TSHZ2: variants seen among roughly 807,000 people sequenced by gnomAD.
TSHZ2 encodes the protein teashirt homolog 2.
Under a neutral mutation model 74.4 loss-of-function variants are expected in TSHZ2, and 21 were observed. The ratio of observed to expected loss-of-function variants is 0.28; its 90% CI spans 0.20 to 0.41. TSHZ2 has a LOEUF of 0.41. Ranked by LOEUF, TSHZ2 falls within the 10% of genes least tolerant of loss-of-function variation. The pLI is 1.00. For missense variants in TSHZ2, 1,244 were observed against 1,293.5 expected (o/e 0.96, Z 0.59); for synonymous variants, 540 against 515.3 (o/e 1.05, Z -0.65).
At position 53,491,640 on chromosome 20, in the gene TSHZ2, G is replaced by A. The variant is rs1284819643; in HGVS notation, c.*4505G>A. 6.6e-6 allele frequency: 1 copy of A among 152,170 alleles called. No individual in the cohort carries two copies. Among genetic ancestry groups the A allele is most frequent in the Non-Finnish European group, 1.5e-5 (1 of 68,040 alleles). 9.4% of individuals were successfully genotyped at this position (152,170 alleles called of 1,614,324 possible). ...AGTTACGAACAATGGGCTAACAGGCGTGGGTGTTTCTCCAAAAATTATTCA... is the reference window on the plus strand; with the variant it reads ...AGTTACGAACAATGGGCTAACAGGCATGGGTGTTTCTCCAAAAATTATTCA... On this transcript the variant is annotated 3_prime_UTR_variant, in exon 3 of 3. Transcript: ENST00000371497.
chr20:53,142,925 C>T (rs1213107399), intron 1 of TSHZ2, among the ~76,000 whole-genome samples: 26 of 152,050 alleles, frequency 1.7e-4, no homozygotes, highest in Non-Finnish European at 2.6e-4. Context: ...TTTTTGCTTA[C>T]TTGCTGGTGT....
At chr20:53,111,109 GTCAA>G (rs1462319801) in intron 1 of TSHZ2, among the ~76,000 whole-genome samples, 1 of 152,184 alleles carries the variant, frequency 6.6e-6, no homozygotes, top group Non-Finnish European at 1.5e-5. Flanking sequence ...GAAGTGCAAG[GTCAA>G]TCAGAGAAGT....
At chr20:52,999,071 G>C (rs989715376) in intron 1 of TSHZ2, among the ~76,000 whole-genome samples, 1 of 151,154 alleles carries the variant, frequency 6.6e-6, no homozygotes, top group Non-Finnish European at 1.5e-5. Flanking sequence ...GCAAAATGAT[G>C]GCAGAGCTGA....
At chr20:53,041,888 T>C (rs1230300088) in intron 1 of TSHZ2, among the ~76,000 whole-genome samples, 1 of 152,232 alleles carries the variant, frequency 6.6e-6, no homozygotes, top group Non-Finnish European at 1.5e-5. Context: ...GCTCATTCCT[T>C]CTTCTAACTT....
intron 1 of TSHZ2, among the ~76,000 whole-genome samples, chr20:53,024,260 A>G (rs1281799619): frequency 6.6e-6 from 1 of 152,010 alleles, no homozygotes; most frequent in South Asian, 2.1e-4. Context: ...CCAAAACTTG[A>G]CGTTTTCAGG....
chr20:53,402,656 G>A (rs187776851), intron 2 of TSHZ2, among the ~76,000 whole-genome samples: 56 of 152,330 alleles, frequency 3.7e-4, no homozygotes, highest in Non-Finnish European at 7.1e-4. Flanking sequence ...TAACCAAAGA[G>A]ATCAGCCTGA....
At chr20:53,449,448 T>C (rs1984685939) in intron 2 of TSHZ2, among the ~76,000 whole-genome samples, 1 of 152,250 alleles carries the variant, frequency 6.6e-6, no homozygotes, top group African/African-American at 2.4e-5. Flanking sequence ...TCAGGCACCG[T>C]TGAAGGCTGT....
At chr20:53,050,531 G>A (rs115755171) in intron 1 of TSHZ2, among the ~76,000 whole-genome samples, 2,083 of 152,220 alleles carry the variant, frequency 0.014, 50 homozygotes, top group African/African-American at 0.042. Context: ...TGTCTTGCCC[G>A]CACGGGGCTG....
rs1356694874 is a variant in TSHZ2, at chr20:53,475,802, C to T, written c.*9-11342C>T. On this transcript the variant is annotated intron_variant, in intron 2 of 2. Coordinates refer to ENST00000371497, the MANE Select transcript of TSHZ2 (RefSeq NM_173485.6). Reference sequence around the variant, plus strand: ...AGAAAAGAGAGAAGAATCAAATAGACGCAATAAAAAATGACAAAGGGGATA... The same window carrying T: ...AGAAAAGAGAGAAGAATCAAATAGATGCAATAAAAAATGACAAAGGGGATA... Among the ~76,000 whole-genome samples, 33 of 139,210 alleles carry T rather than the reference C, an allele frequency of 2.4e-4. 2 individuals are homozygous for T. The highest frequency in any genetic ancestry group is 3.5e-4 in the Non-Finnish European group (23 of 64,862). The allele number at this position is 139,210 out of a possible 152,430, so 91.3% of individuals were successfully genotyped here. A position where few individuals can be genotyped will look rare whatever the true frequency, so the allele number is the denominator to read the frequency against.
intron 2 of TSHZ2, among the ~76,000 whole-genome samples, chr20:53,325,191 T>C (rs550222603): frequency 8.2e-4 from 125 of 152,354 alleles, no homozygotes; most frequent in Non-Finnish European, 1.7e-3. Context: ...TATGTTGTCA[T>C]TTCCCTGAGT....
At chr20:53,049,435 A>G (rs1450901730) in intron 1 of TSHZ2, among the ~76,000 whole-genome samples, 1 of 152,096 alleles carries the variant, frequency 6.6e-6, no homozygotes, top group African/African-American at 2.4e-5. Flanking sequence ...CACCTCCTCC[A>G]GGAACCATTC....
intron 1 of TSHZ2, among the ~76,000 whole-genome samples, chr20:53,062,445 A>C (rs1336925169): frequency 6.6e-6 from 1 of 152,258 alleles, no homozygotes; most frequent in Non-Finnish European, 1.5e-5. Flanking sequence ...ATGTAATTTC[A>C]GAATATTGGT....
intron 1 of TSHZ2, among the ~76,000 whole-genome samples, chr20:53,077,338 G>A (rs1196079777): frequency 2.6e-5 from 4 of 151,690 alleles, no homozygotes; most frequent in African/African-American, 4.8e-5. Context: ...TTGAACCCTG[G>A]AGGCAAAGGT....
chr20:53,093,505 C>T (rs766987552), intron 1 of TSHZ2, among the ~76,000 whole-genome samples: 3 of 152,250 alleles, frequency 2.0e-5, no homozygotes, highest in African/African-American at 7.2e-5. Flanking sequence ...GCTGGGTGGG[C>T]TCCAGCCATA....
chr20:52,986,113 C>T lies in TSHZ2; in HGVS notation c.40+12780C>T, dbSNP rs967717107. On this transcript the variant is annotated intron_variant, in intron 1 of 2. Transcript: ENST00000371497. ...TCCAGTAAAGAAATGAAATAATGGCCGGGCACAGTGGCTCACGCCTGTAAT... is the reference window on the plus strand; with the variant it reads ...TCCAGTAAAGAAATGAAATAATGGCTGGGCACAGTGGCTCACGCCTGTAAT... 2.8e-4 allele frequency among the ~76,000 whole-genome samples: 42 copies of T among 152,064 alleles called. 1 individual carries two copies. The highest frequency in any genetic ancestry group is 5.2e-4 in the Admixed American group (8 of 15,264).
intron 2 of TSHZ2, among the ~76,000 whole-genome samples, chr20:53,368,563 G>T (rs1981358722): frequency 6.6e-6 from 1 of 152,066 alleles, no homozygotes; most frequent in Admixed American, 6.6e-5. Context: ...CACCCTCCTA[G>T]GCCTCCCAAA....
At chr20:53,048,559 TCA>T (rs1984313526) in intron 1 of TSHZ2, among the ~76,000 whole-genome samples, 2 of 152,056 alleles carry the variant, frequency 1.3e-5, no homozygotes, top group South Asian at 2.1e-4. Flanking sequence ...CCCTCTCCCT[TCA>T]ACACCTACCA....
chr20:53,179,031 C>G (rs1007642019), intron 1 of TSHZ2: 3 of 152,100 alleles, frequency 2.0e-5, no homozygotes, highest in African/African-American at 7.2e-5. Flanking sequence ...GGGGTCAAAC[C>G]CTTGCCAGTT....
At position 53,380,797 on chromosome 20, in the gene TSHZ2, G is replaced by A. The variant is rs143978231; in HGVS notation, c.*9-106347G>A. Among the ~76,000 whole-genome samples, 1,157 of 152,218 alleles carry A rather than the reference G, an allele frequency of 7.6e-3. 16 individuals are homozygous for A. The highest frequency in any genetic ancestry group is 0.027 in the African/African-American group (1,118 of 41,546). ...TTTAGGAAATATTTATTTTGTGAGG[G>A]TTCAAGAGAATGGCAATTGTGTACA... On this transcript the variant is annotated intron_variant, in intron 2 of 2. Coordinates refer to ENST00000371497, the MANE Select transcript of TSHZ2 (RefSeq NM_173485.6).
Sources: gnomAD v4.1 joint callset for allele counts (sites outside exome capture counted in the v4.1 genomes callset) on GRCh38, gnomAD v4.1.1 for gene constraint, MANE v1.5 for transcripts, NCBI Gene and HGNC (gene_info 2026-07-23, HGNC 2026-07-21) for gene names.